The following SBNO2 variants were observed in gnomAD, a reference collection of about 807,000 sequenced individuals.
The protein encoded by SBNO2 is strawberry notch homolog 2.
A neutral mutation model predicts 146.3 loss-of-function variants in SBNO2; 89 were observed. The ratio of observed to expected loss-of-function variants is 0.61; its 90% confidence interval spans 0.51 to 0.73. The LOEUF (loss-of-function observed/expected upper bound fraction) is 0.73, where lower values mean the gene tolerates loss of function less well. Ranked by LOEUF, SBNO2 falls within the 30% of genes least tolerant of loss-of-function variation. The pLI is 0.00. For missense variants in SBNO2, 2,092 were observed against 2,003.7 expected (o/e 1.04, Z -0.84); for synonymous variants, 1,147 against 892.6 (o/e 1.29, Z -5.08).
chr19:1,115,830 T>A (rs1481805871), intron 17 of SBNO2, 191 bp downstream of exon 17: 1 of 625,252 alleles, frequency 1.6e-6, no homozygotes, highest in East Asian at 2.8e-5. Context: ...TCCTCTTCCC[T>A]AAGCGTTCCA....
intron 1 of SBNO2, among the ~76,000 whole-genome samples, chr19:1,171,651 AT>A (rs892366435): frequency 6.6e-6 from 1 of 152,070 alleles, no homozygotes; most frequent in Non-Finnish European, 1.5e-5. Context: ...GCGTTTCCGC[AT>A]GGGCCCTGCC....
Position 1,149,482 on chromosome 19 carries a change from G to A in SBNO2, c.94-40C>T, listed in dbSNP as rs375839001. The A allele has an allele frequency of 4.9e-4, 743 of 1,530,030 alleles. 4 individuals carry two copies. In the African/African-American group the frequency reaches 9.1e-3, roughly 19 times the overall value. The allele number at this position is 1,530,030 out of a possible 1,614,324, so 94.8% of individuals were successfully genotyped here. ...GGGCATCAGTGAGTGGGAAGCAGAG[G>A]ACCTGCGGTGCAGCCCGGCTAAGCC... On this transcript the variant is annotated intron_variant, in intron 2 of 31. Transcript: ENST00000361757.
intron 3 of SBNO2, among the ~76,000 whole-genome samples, chr19:1,148,460 A>G (rs868395428): frequency 7.0e-6 from 1 of 142,906 alleles, no homozygotes; most frequent in Admixed American, 7.2e-5. Context: ...TCTGTGGGAA[A>G]AGTGCCCTTC....
chr19:1,122,422 G>A, intron 10 of SBNO2, 46 bp downstream of exon 10: 3 of 1,538,264 alleles, frequency 2.0e-6, no homozygotes, highest in African/African-American at 1.4e-5. Context: ...ACTTTGCAGG[G>A]CACGGTCCCC....
chr19:1,139,884 G>GC (rs2080119205), intron 4 of SBNO2, among the ~76,000 whole-genome samples: 1 of 152,156 alleles, frequency 6.6e-6, no homozygotes, highest in Non-Finnish European at 1.5e-5. Context: ...GGCAGAGTTT[G>GC]CCATGAGCCG....
chr19:1,113,622 G>T lies in SBNO2; in HGVS notation c.2160C>A (p.Asp720Glu). ...RVERLKQDLL[D>E]KVRRLGRELP... ...GTTCCCGGCCCAGCCGCCGCACTTTGTCCAGCAGATCCTGCTTCAGCCGCT... is the reference window on the plus strand; with the variant it reads ...GTTCCCGGCCCAGCCGCCGCACTTTTTCCAGCAGATCCTGCTTCAGCCGCT... The change falls in exon 19 of 32, where the codon GAC (aspartate) becomes GAA (glutamate). Residue 720 changes from aspartate (D) to glutamate (E), a missense_variant. Asp to Glu is a conservative substitution (Grantham distance 45, BLOSUM62 2). Transcript: ENST00000361757. 2.5e-6 allele frequency: 4 copies of T among 1,599,168 alleles called. No individual in the cohort carries two copies. The highest frequency in any genetic ancestry group is 3.4e-6 in the Non-Finnish European group (4 of 1,174,580).
Position 1,111,018 on chromosome 19 carries a change from CCCT to C in SBNO2, c.2882_2884del (p.Lys961_Asp962delinsAsn). The C allele has an allele frequency of 6.3e-7, 1 of 1,587,930 alleles. No homozygotes were observed. The highest frequency in any genetic ancestry group is 1.1e-5 in the South Asian group (1 of 87,994). ...TCTGGGCCTGGGTGTGGGGCACTCA[CCCT>C]TCTCCACGTCCAGGCAGCCATTCCG... On this transcript the variant is annotated inframe_deletion and splice_region_variant, in exon 25 of 32. Coordinates refer to ENST00000361757, the MANE Select transcript of SBNO2 (RefSeq NM_014963.3).
At chr19:1,147,500 C>T (rs887764817) in intron 3 of SBNO2, 80 bp from the exon 4 acceptor site, 14 of 820,042 alleles carry the variant, frequency 1.7e-5, no homozygotes, top group South Asian at 1.9e-5. Context: ...CCCCCATGGC[C>T]GCAGCCAGAG....
intron 1 of SBNO2, among the ~76,000 whole-genome samples, chr19:1,164,662 G>A (rs1330122484): frequency 7.3e-6 from 1 of 137,884 alleles, no homozygotes. Context: ...AGGAGGAGGA[G>A]GAGGAACAGG....
intron 1 of SBNO2, among the ~76,000 whole-genome samples, chr19:1,167,250 G>C (rs907980385): frequency 6.6e-6 from 1 of 152,262 alleles, no homozygotes; most frequent in African/African-American, 2.4e-5. Context: ...AGGAACTCCA[G>C]GTTCGCCAGT....
At chr19:1,159,135 A>G (rs35254404) in intron 1 of SBNO2, among the ~76,000 whole-genome samples, 33,942 of 152,122 alleles carry the variant, frequency 0.22, 4,243 homozygotes, top group East Asian at 0.44. Flanking sequence ...GATGGGCTCA[A>G]GACAGGGCAA....
At chr19:1,131,776 T>G (rs757692442) in intron 4 of SBNO2, among the ~76,000 whole-genome samples, 1 of 152,144 alleles carries the variant, frequency 6.6e-6, no homozygotes, top group Admixed American at 6.5e-5. Context: ...CCACTGCCAC[T>G]GTCACTGAGG....
rs2079686087 is a variant in SBNO2 at position 1,107,677 on chromosome 19, C to T, written c.*543G>A. ...CACATATATTTAAAAAAGTCCTTTACATATGTACATCAGAACTTGCTATAA... is the reference window on the plus strand; with the variant it reads ...CACATATATTTAAAAAAGTCCTTTATATATGTACATCAGAACTTGCTATAA... On this transcript the variant is annotated 3_prime_UTR_variant, in exon 32 of 32. Transcript: ENST00000361757. 6.5e-6 allele frequency: 1 copy of T among 152,728 alleles called. No individual in the cohort carries two copies. The highest frequency in any genetic ancestry group is 3.4e-3 in the Middle Eastern group (1 of 294). The allele number at this position is 152,728 out of a possible 1,614,324, so 9.5% of individuals were successfully genotyped here.
rs558645735 is a variant in SBNO2, at chr19:1,152,190, C to T, written c.93+1994G>A. Among the ~76,000 whole-genome samples, 8 of 152,326 alleles carry T rather than the reference C, an allele frequency of 5.3e-5. No individual in the cohort carries two copies. In the East Asian group the frequency reaches 7.7e-4, roughly 15 times the overall value. On this transcript the variant is annotated intron_variant, in intron 2 of 31. Coordinates refer to ENST00000361757, the MANE Select transcript of SBNO2 (RefSeq NM_014963.3). ...TGTGGCTGGTGTCCAGTGCCCCCGCCGGGTTCCAGCCCTGTCGCATTCCCC... is the reference window on the plus strand; with the variant it reads ...TGTGGCTGGTGTCCAGTGCCCCCGCTGGGTTCCAGCCCTGTCGCATTCCCC...
intron 11 of SBNO2, 153 bp from the exon 12 acceptor site, chr19:1,120,176 C>G: frequency 1.7e-6 from 1 of 596,482 alleles, no homozygotes; most frequent in Non-Finnish European, 2.9e-6. Context: ...GAGTGGCAGC[C>G]GGCTACCATG....
At chr19:1,163,459 G>C (rs1331923884) in intron 1 of SBNO2, among the ~76,000 whole-genome samples, 9 of 152,232 alleles carry the variant, frequency 5.9e-5, no homozygotes, top group Non-Finnish European at 8.8e-5. Context: ...CCAGTTTGCA[G>C]CACTGCTGCG....
At chr19:1,130,365 G>T (rs748739219) in intron 4 of SBNO2, among the ~76,000 whole-genome samples, 1 of 152,108 alleles carries the variant, frequency 6.6e-6, no homozygotes, top group Admixed American at 6.6e-5. Flanking sequence ...CGGGCAGGGG[G>T]GAGCTCACGT....
chr19:1,131,470 G>A (rs187676491), intron 4 of SBNO2, among the ~76,000 whole-genome samples: 4 of 152,270 alleles, frequency 2.6e-5, no homozygotes, highest in Admixed American at 6.5e-5. Context: ...AAAAGCAGCA[G>A]ACACAGCTCC....
rs1230105536 is a variant in SBNO2 at position 1,150,966 on chromosome 19, G to A, written c.94-1524C>T. 6.6e-6 allele frequency among the ~76,000 whole-genome samples: 1 copy of A among 152,230 alleles called. No homozygotes were observed. The highest frequency in any genetic ancestry group is 1.5e-5 in the Non-Finnish European group (1 of 68,036). On this transcript the variant is annotated intron_variant, in intron 2 of 31. Transcript: ENST00000361757. This position sits in a 1 kb window ranked among gnomAD's most constrained non-coding sequence, Gnocchi z 6.2. ...GCCCACAGCTCCTCCCCTGCACAGA[G>A]GCCGGCAGCCTGGGCACCCTGAGCT...
Sources: allele counts gnomAD v4.1 joint callset (sites outside exome capture counted in the v4.1 genomes callset), GRCh38; gene constraint gnomAD v4.1.1; non-coding constraint Gnocchi (gnomAD v3.1); transcripts MANE v1.5; gene names NCBI Gene and HGNC (gene_info 2026-07-23, HGNC 2026-07-21).